The following EPB41L5 variants were observed in gnomAD, a reference collection of about 807,000 sequenced individuals.
EPB41L5 encodes erythrocyte membrane protein band 4.1 like 5.
A neutral mutation model predicts 106.6 loss-of-function variants in EPB41L5; 55 were observed. The observed-to-expected ratio is 0.52, with a 90% CI of 0.42 to 0.65. The LOEUF (loss-of-function observed/expected upper bound fraction) is 0.65. EPB41L5 is among the 30% of genes least tolerant of loss of function. The pLI is 0.00. For synonymous variants in EPB41L5, 297 were observed against 306.7 expected (o/e 0.97, Z 0.33); for missense variants, 871 against 882.1 (o/e 0.99, Z 0.16).
At chr2:120,090,178 G>T (rs1033511586) in intron 11 of EPB41L5, among the ~76,000 whole-genome samples, 169 bp from the exon 12 acceptor site, 2 of 151,372 alleles carry the variant, frequency 1.3e-5, no homozygotes, top group African/African-American at 4.9e-5. Flanking sequence ...CTGATAAAAT[G>T]AGCAACTTGA....
intron 10 of EPB41L5, among the ~76,000 whole-genome samples, chr2:120,084,001 C>T (rs982036163): frequency 1.1e-4 from 17 of 152,226 alleles, no homozygotes; most frequent in Admixed American, 2.6e-4. Context: ...TGTCTCTGCA[C>T]GTGAGATGGG....
intron 3 of EPB41L5, among the ~76,000 whole-genome samples, chr2:120,053,530 C>T (rs776394350): frequency 5.3e-5 from 8 of 152,140 alleles, no homozygotes; most frequent in African/African-American, 1.7e-4. Flanking sequence ...ATCTGGCAAA[C>T]GCTGTCTATG....
intron 2 of EPB41L5, among the ~76,000 whole-genome samples, chr2:120,037,296 A>T (rs1679099455): frequency 6.6e-6 from 1 of 152,200 alleles, no homozygotes; most frequent in Admixed American, 6.5e-5. Flanking sequence ...CACGTTCAAG[A>T]ATTTGGAGAC....
intron 2 of EPB41L5, among the ~76,000 whole-genome samples, chr2:120,021,877 T>C (rs1383657897): frequency 1.3e-5 from 2 of 152,232 alleles, no homozygotes; most frequent in Non-Finnish European, 2.9e-5. Flanking sequence ...AGAATTGATT[T>C]TAGAAATTGA....
In EPB41L5 at chr2:120,176,752, C is replaced by T. The variant is rs2105590127; in HGVS notation, c.*1845C>T. Reference sequence around the variant, plus strand: ...CAGTGTCTTGGCAACCGTAGATGTCCTACAGGGTTACCGTTGTGCTGCTCA... The same window carrying T: ...CAGTGTCTTGGCAACCGTAGATGTCTTACAGGGTTACCGTTGTGCTGCTCA... On this transcript the variant is annotated 3_prime_UTR_variant, in exon 25 of 25. Transcript: ENST00000263713. 1 of 152,316 alleles carries T rather than the reference C, an allele frequency of 6.6e-6. No homozygotes were observed. Among genetic ancestry groups the T allele is most frequent in the Middle Eastern group, 3.4e-3 (1 of 296 alleles). The allele number at this position is 152,316 out of a possible 1,614,324, so 9.4% of individuals were successfully genotyped here.
At chr2:120,131,346 C>A (rs1685678280) in intron 17 of EPB41L5, among the ~76,000 whole-genome samples, 1 of 152,152 alleles carries the variant, frequency 6.6e-6, no homozygotes, top group Non-Finnish European at 1.5e-5. Flanking sequence ...ACCTTCTTAA[C>A]CACACATGCT....
At chr2:120,040,481 G>A (rs751570052) in intron 2 of EPB41L5, among the ~76,000 whole-genome samples, 1 of 152,142 alleles carries the variant, frequency 6.6e-6, no homozygotes, top group Non-Finnish European at 1.5e-5. Flanking sequence ...TCGAGTGAGG[G>A]CATGATTAAA....
At chr2:120,036,633 A>T (rs1011094861) in intron 2 of EPB41L5, among the ~76,000 whole-genome samples, 24 of 152,236 alleles carry the variant, frequency 1.6e-4, no homozygotes, top group African/African-American at 5.8e-4. Flanking sequence ...TGGAATAAAA[A>T]GAAAAGTCTA....
Position 120,175,230 on chromosome 2 carries a change from A to C in EPB41L5, c.*323A>C. ...CTCCACCTAGCGGTTCTATTTGTTCATAACAACTTCATAACAAGCCTGCCT... is the reference window on the plus strand; with the variant it reads ...CTCCACCTAGCGGTTCTATTTGTTCCTAACAACTTCATAACAAGCCTGCCT... On this transcript the variant is annotated 3_prime_UTR_variant, in exon 25 of 25. Coordinates refer to ENST00000263713, the MANE Select transcript of EPB41L5 (RefSeq NM_020909.4). 3.6e-6 allele frequency: 1 copy of C among 276,864 alleles called. No homozygotes were observed. Among genetic ancestry groups the C allele is most frequent in the East Asian group, 6.6e-5 (1 of 15,044 alleles). The allele number at this position is 276,864 out of a possible 1,614,324, so 17.2% of individuals were successfully genotyped here.
intron 2 of EPB41L5, among the ~76,000 whole-genome samples, chr2:120,025,431 G>T (rs1678237631): frequency 6.6e-6 from 1 of 151,658 alleles, no homozygotes; most frequent in African/African-American, 2.4e-5. Flanking sequence ...TTTATTTTGA[G>T]CCTATGTGTG....
intron 3 of EPB41L5, among the ~76,000 whole-genome samples, chr2:120,070,258 A>G (rs1337739310): frequency 6.6e-6 from 1 of 152,232 alleles, no homozygotes; most frequent in Non-Finnish European, 1.5e-5. Flanking sequence ...CTGGACACAT[A>G]TACCCTCCCA....
intron 16 of EPB41L5, among the ~76,000 whole-genome samples, chr2:120,110,677 G>A (rs1347355360): frequency 3.6e-5 from 5 of 139,136 alleles, no homozygotes; most frequent in African/African-American, 1.4e-4. Flanking sequence ...CACTCTTGCC[G>A]AGGCTGGAGT....
intron 16 of EPB41L5, among the ~76,000 whole-genome samples, chr2:120,109,591 C>T (rs183912296): frequency 3.8e-4 from 58 of 152,310 alleles, no homozygotes; most frequent in Non-Finnish European, 4.7e-4. Context: ...TAGATCCTCA[C>T]CTCAAGTTAC....
chr2:120,152,635 T>C (rs1686728192), intron 20 of EPB41L5, among the ~76,000 whole-genome samples: 1 of 152,218 alleles, frequency 6.6e-6, no homozygotes, highest in Admixed American at 6.5e-5. Context: ...ATTTAGGAAG[T>C]GTTCCTTCTT....
At chr2:120,073,360 T>TA (rs1454281972) in intron 4 of EPB41L5, 140 bp downstream of exon 4, 3 of 710,412 alleles carry the variant, frequency 4.2e-6, no homozygotes, top group African/African-American at 1.8e-5. Context: ...TTTATTCTGA[T>TA]ACACTGAGCT....
chr2:120,168,671 CTAAT>C (rs1299760771), intron 24 of EPB41L5, among the ~76,000 whole-genome samples: 2 of 152,108 alleles, frequency 1.3e-5, no homozygotes, highest in African/African-American at 2.4e-5. Flanking sequence ...ACATGCTTTC[CTAAT>C]TAGAGAAAGG....
At position 120,127,762 on chromosome 2, in the gene EPB41L5, C is replaced by G; in HGVS notation, c.1412C>G (p.Ser471Cys). Residue 471 changes from serine to cysteine, a missense_variant, in exon 17 of 25, where the codon TCT becomes TGT. Physicochemically the swap from Ser to Cys is moderately radical, Grantham distance 112. Coordinates refer to ENST00000263713, the MANE Select transcript of EPB41L5 (RefSeq NM_020909.4). ...EATIGDVIGA[S>C]DTMETSQALN... is the part of the protein sequence containing the mutation. ...ACGATTGGTGATGTAATTGGGGCAT[C>G]TGACACTATGGAAACATCCCAAGCA... The G allele has an allele frequency of 6.2e-7, 1 of 1,613,808 alleles. No individual in the cohort carries two copies. Among genetic ancestry groups the G allele is most frequent in the Admixed American group, 1.7e-5 (1 of 60,016 alleles).
intron 3 of EPB41L5, 115 bp from the exon 4 acceptor site, chr2:120,073,063 G>T: frequency 1.2e-6 from 1 of 849,472 alleles, no homozygotes; most frequent in Non-Finnish European, 1.8e-6. Flanking sequence ...TTTCTCTTGT[G>T]AAGTATTTCC....
intron 2 of EPB41L5, among the ~76,000 whole-genome samples, chr2:120,041,310 A>T (rs1056489163): frequency 6.6e-6 from 1 of 152,140 alleles, no homozygotes; most frequent in Non-Finnish European, 1.5e-5. Context: ...TGTTTCAGGT[A>T]TATAAGAAAC....
Sources: gnomAD v4.1 joint callset for allele counts (sites outside exome capture counted in the v4.1 genomes callset) on GRCh38, gnomAD v4.1.1 for gene constraint, MANE v1.5 for transcripts, NCBI Gene and HGNC (gene_info 2026-07-23, HGNC 2026-07-21) for gene names.